The following GARIN1B variants were observed in gnomAD, a reference collection of about 807,000 sequenced individuals.
The protein encoded by GARIN1B is Golgi-associated RAB2 interactor protein 1B.
At chr7:128,714,409 T>G in the GARIN1B span, among the ~76,000 whole-genome samples, 1 of 152,028 alleles carries the variant, frequency 6.6e-6, no homozygotes, top group Non-Finnish European at 1.5e-5. Context: ...AAACCCTGTC[T>G]CTACTAAAAA....
chr7:128,712,239 T>A, the GARIN1B span, among the ~76,000 whole-genome samples: 1 of 152,212 alleles, frequency 6.6e-6, no homozygotes, highest in Non-Finnish European at 1.5e-5. Flanking sequence ...GGAGGACCTC[T>A]AGCAATTTTG....
At chr7:128,714,193 C>T in the GARIN1B span, 1 of 1,454,698 alleles carries the variant, frequency 6.9e-7, no homozygotes, top group Admixed American at 2.0e-5. Context: ...CAAAAGTCAG[C>T]CTCCATGCTT....
chr7:128,718,372 C>T, the GARIN1B span, among the ~76,000 whole-genome samples: 1 of 146,820 alleles, frequency 6.8e-6, no homozygotes, highest in Admixed American at 7.0e-5. Flanking sequence ...GCGGAGGTTG[C>T]AGTGAGCCAA....
the GARIN1B span, chr7:128,723,564 T>C: frequency 4.2e-6 from 1 of 240,164 alleles, no homozygotes; most frequent in South Asian, 9.4e-5. Flanking sequence ...TTTTTTTTTT[T>C]TTTTTCCTTT....
At chr7:128,721,512 C>CCACACA in the GARIN1B span, among the ~76,000 whole-genome samples, 1 of 149,874 alleles carries the variant, frequency 6.7e-6, no homozygotes, top group Admixed American at 6.7e-5. Flanking sequence ...CATACACACA[C>CCACACA]CACACACACA....
chr7:128,724,231 G>A, the GARIN1B span, among the ~76,000 whole-genome samples: 2 of 152,064 alleles, frequency 1.3e-5, no homozygotes, highest in African/African-American at 4.8e-5. Flanking sequence ...GGCTGGTCTC[G>A]AATTCCTGAC....
the GARIN1B span, among the ~76,000 whole-genome samples, chr7:128,726,311 G>C: frequency 1.3e-5 from 2 of 152,256 alleles, no homozygotes; most frequent in African/African-American, 2.4e-5. Context: ...GGGCAGATCG[G>C]AAGGATGTAA....
the GARIN1B span, among the ~76,000 whole-genome samples, chr7:128,722,209 A>G: frequency 1.3e-5 from 2 of 152,204 alleles, no homozygotes; most frequent in African/African-American, 4.8e-5. Context: ...ATTTGATAGA[A>G]TTTACCAGTG....
At chr7:128,729,987 A>G in the GARIN1B span, 1 of 1,614,172 alleles carries the variant, frequency 6.2e-7, no homozygotes, top group Non-Finnish European at 8.5e-7. Context: ...AGTGGGAAAG[A>G]GAGAACCCCT....
chr7:128,724,977 A>G, the GARIN1B span: 3 of 912,240 alleles, frequency 3.3e-6, no homozygotes, highest in Non-Finnish European at 2.9e-6. Flanking sequence ...TAAAATGGAA[A>G]TGAAAATAGT....
the GARIN1B span, among the ~76,000 whole-genome samples, chr7:128,722,131 T>A: frequency 6.6e-6 from 1 of 152,234 alleles, no homozygotes; most frequent in Non-Finnish European, 1.5e-5. Context: ...TTGAAGAAGT[T>A]GGAAAGTATT....
the GARIN1B span, among the ~76,000 whole-genome samples, chr7:128,725,670 T>A: frequency 1.4e-4 from 21 of 152,198 alleles, no homozygotes; most frequent in Non-Finnish European, 2.9e-4. Context: ...CTGTGTCTGC[T>A]CAAATCACTG....
At chr7:128,718,713 C>A in the GARIN1B span, 2 of 1,307,606 alleles carry the variant, frequency 1.5e-6, no homozygotes, top group Non-Finnish European at 2.1e-6. Flanking sequence ...TGCTAAAGCA[C>A]CCTCTTTTCT....
At chr7:128,719,302 T>C in the GARIN1B span, among the ~76,000 whole-genome samples, 46 of 152,176 alleles carry the variant, frequency 3.0e-4, no homozygotes, top group African/African-American at 1.1e-3. Context: ...CAATTCTATA[T>C]AAATTGTTTA....
At chr7:128,719,441 AC>A in the GARIN1B span, among the ~76,000 whole-genome samples, 2 of 151,820 alleles carry the variant, frequency 1.3e-5, no homozygotes, top group African/African-American at 4.8e-5. Flanking sequence ...CATTTCCATT[AC>A]CCTAAAAAAT....
the GARIN1B span, chr7:128,716,712 C>T: frequency 1.0e-6 from 1 of 997,786 alleles, no homozygotes; most frequent in South Asian, 1.7e-5. Flanking sequence ...AAAGAATATC[C>T]AACCCAAAAC....
chr7:128,725,400 A>C, the GARIN1B span, among the ~76,000 whole-genome samples: 1 of 151,018 alleles, frequency 6.6e-6, no homozygotes, highest in African/African-American at 2.4e-5. Context: ...TTTTTGAGAC[A>C]GTCTCACTCT....
the GARIN1B span, among the ~76,000 whole-genome samples, chr7:128,711,658 GACACAC>G: frequency 0.072 from 10,491 of 144,904 alleles, 435 homozygotes; most frequent in South Asian, 0.1. Flanking sequence ...TGGTTTTACA[GACACAC>G]ACACACACAC....
At chr7:128,710,949 C>A in the GARIN1B span, among the ~76,000 whole-genome samples, 1 of 152,134 alleles carries the variant, frequency 6.6e-6, no homozygotes, top group African/African-American at 2.4e-5. Context: ...TGAGCCACTG[C>A]GCCTGGCCTG....
Sources: gnomAD v4.1 joint callset for allele counts (sites outside exome capture counted in the v4.1 genomes callset) on GRCh38, gnomAD v4.1.1 for gene constraint, MANE v1.5 for transcripts, NCBI Gene and HGNC (gene_info 2026-07-23, HGNC 2026-07-21) for gene names.